The following ANXA8 variants were observed in gnomAD, a reference collection of about 807,000 sequenced individuals.
ANXA8 encodes the protein annexin A8.
Under a neutral mutation model 26.8 loss-of-function variants are expected in ANXA8, and 9 were observed. That is an observed-to-expected ratio of 0.34 (90% CI 0.20 to 0.59). ANXA8 has a LOEUF of 0.59. Ranked by LOEUF, ANXA8 falls within the 20% of genes least tolerant of loss-of-function variation. The probability of loss-of-function intolerance (pLI) is 0.84; values close to 1 mark genes in which losing one functional copy is unlikely to be tolerated. For synonymous variants in ANXA8, 39 were observed against 94.8 expected (o/e 0.41, Z 3.42); for missense variants, 83 against 238.5 (o/e 0.35, Z 4.29).
chr10:47,649,868 T>A, the ANXA8 span, among the ~76,000 whole-genome samples: 1 of 147,224 alleles, frequency 6.8e-6, no homozygotes, highest in African/African-American at 2.6e-5. Flanking sequence ...TAGCTGGGAC[T>A]GTAGGCATGT....
the ANXA8 span, among the ~76,000 whole-genome samples, chr10:47,979,427 C>T: frequency 1.3e-5 from 2 of 151,256 alleles, no homozygotes; most frequent in Non-Finnish European, 1.5e-5. Context: ...AGAATAGTGG[C>T]CCCCAAAGAT....
At chr10:47,664,437 G>A in the ANXA8 span, among the ~76,000 whole-genome samples, 50 of 151,610 alleles carry the variant, frequency 3.3e-4, no homozygotes, top group South Asian at 1.5e-3. Flanking sequence ...GTGTGGTGGC[G>A]GGTGCCTGTA....
chr10:47,495,962 T>C, the ANXA8 span, among the ~76,000 whole-genome samples: 5 of 151,532 alleles, frequency 3.3e-5, no homozygotes, highest in African/African-American at 7.3e-5. Flanking sequence ...TCCAGGGGTG[T>C]GGGATCTGAG....
At chr10:47,503,003 A>C in the ANXA8 span, 3 of 1,591,238 alleles carry the variant, frequency 1.9e-6, no homozygotes, top group Non-Finnish European at 2.6e-6. Flanking sequence ...GGGCTGAAGC[A>C]TATGGAGTCA....
the ANXA8 span, among the ~76,000 whole-genome samples, chr10:47,593,787 G>A: frequency 5.5e-5 from 8 of 146,096 alleles, no homozygotes; most frequent in Non-Finnish European, 1.2e-4. Context: ...TGTATTAAAG[G>A]GTGCAAAATA....
the ANXA8 span, among the ~76,000 whole-genome samples, chr10:47,744,315 C>A: frequency 6.2e-5 from 9 of 145,174 alleles, no homozygotes; most frequent in East Asian, 1.7e-3. Flanking sequence ...GATTTAAATT[C>A]TAGCTCCATC....
the ANXA8 span, among the ~76,000 whole-genome samples, chr10:47,528,211 C>G: frequency 5.0e-5 from 7 of 140,698 alleles, no homozygotes; most frequent in Non-Finnish European, 7.7e-5. Flanking sequence ...TCCTGATTAG[C>G]TGGGACTACA....
At chr10:47,595,165 C>T in the ANXA8 span, among the ~76,000 whole-genome samples, 1 of 148,292 alleles carries the variant, frequency 6.7e-6, no homozygotes, top group Non-Finnish European at 1.5e-5. Context: ...TTCTTCAAAA[C>T]TAAGCTTCAT....
chr10:47,701,835 A>G, the ANXA8 span, among the ~76,000 whole-genome samples: 1 of 151,710 alleles, frequency 6.6e-6, no homozygotes, highest in Admixed American at 6.6e-5. Flanking sequence ...TTACAAATGA[A>G]CCCAATATTG....
the ANXA8 span, among the ~76,000 whole-genome samples, chr10:47,645,774 C>A: frequency 6.7e-6 from 1 of 150,030 alleles, no homozygotes; most frequent in African/African-American, 2.5e-5. Flanking sequence ...TCACCAATAT[C>A]TATGGGCATC....
chr10:47,480,906 ATCG>A lies in ANXA8; in HGVS notation c.22-1021_22-1019del, dbSNP rs1839757851. ...CATCCATCCATCCATCCATCCATCC[ATCG>A]AAGCCCTGGGTTAGATTGTGAAAAT... On this transcript the variant is annotated intron_variant, in intron 1 of 11. Coordinates refer to ENST00000585281, the MANE Select transcript of ANXA8 (RefSeq NM_001040084.3). Among the ~76,000 whole-genome samples the A allele has an allele frequency of 1.2e-3, 154 of 127,520 alleles. 5 individuals carry two copies. Among genetic ancestry groups the A allele is most frequent in the African/African-American group, 3.8e-3 (141 of 36,952 alleles). The allele number at this position is 127,520 out of a possible 152,430, so 83.7% of individuals were successfully genotyped here.
the ANXA8 span, among the ~76,000 whole-genome samples, chr10:47,684,680 G>T: frequency 6.6e-6 from 1 of 151,748 alleles, no homozygotes; most frequent in East Asian, 1.9e-4. Flanking sequence ...CCACCTCCTG[G>T]GTTCAAGCGA....
At chr10:47,701,882 G>T in the ANXA8 span, among the ~76,000 whole-genome samples, 1 of 151,660 alleles carries the variant, frequency 6.6e-6, no homozygotes, top group Non-Finnish European at 1.5e-5. Flanking sequence ...GAAGGGGGTG[G>T]GGAAGAAAAG....
chr10:47,630,832 G>T, the ANXA8 span, among the ~76,000 whole-genome samples: 2 of 147,866 alleles, frequency 1.4e-5, no homozygotes, highest in Non-Finnish European at 3.0e-5. Context: ...CTATTATTTG[G>T]TTTGGAAGTT....
At chr10:47,493,689 G>A in the ANXA8 span, among the ~76,000 whole-genome samples, 1 of 150,998 alleles carries the variant, frequency 6.6e-6, no homozygotes, top group African/African-American at 2.5e-5. Flanking sequence ...CCACTGCCCA[G>A]CCCAGAGCCA....
At chr10:47,632,212 T>C in the ANXA8 span, among the ~76,000 whole-genome samples, 2 of 150,530 alleles carry the variant, frequency 1.3e-5, no homozygotes, top group African/African-American at 5.0e-5. Flanking sequence ...GGTTATTATA[T>C]CACCATATAG....
the ANXA8 span, chr10:47,710,201 T>G: frequency 1.5e-6 from 2 of 1,351,058 alleles, no homozygotes; most frequent in Admixed American, 2.4e-5. Context: ...TTTGTCTGTA[T>G]GCATGTTTTT....
the ANXA8 span, among the ~76,000 whole-genome samples, chr10:47,981,153 AAAAT>A: frequency 6.6e-6 from 1 of 151,922 alleles, no homozygotes; most frequent in African/African-American, 2.4e-5. Flanking sequence ...TTAACATAAT[AAAAT>A]AAATCTAATT....
chr10:47,499,118 A>G, the ANXA8 span, among the ~76,000 whole-genome samples: 1 of 136,708 alleles, frequency 7.3e-6, no homozygotes, highest in Admixed American at 7.3e-5. Flanking sequence ...TAAAAAATAA[A>G]AAATAATTTT....
Sources: allele counts gnomAD v4.1 joint callset (sites outside exome capture counted in the v4.1 genomes callset), GRCh38; gene constraint gnomAD v4.1.1; transcripts MANE v1.5; gene names NCBI Gene and HGNC (gene_info 2026-07-23, HGNC 2026-07-21).